Variants in IFNGR1 observed in about 807,000 individuals in gnomAD.
IFNGR1 encodes the protein interferon gamma receptor 1, also known as AVP, type 2.
In IFNGR1, 23 loss-of-function variants were observed where a neutral mutation model predicts 35.4. That is an observed-to-expected ratio of 0.65 (90% CI 0.47 to 0.92). The LOEUF is 0.92. Among genes scored for constraint, IFNGR1 ranks in the 40% least tolerant of loss-of-function variants. The probability of loss-of-function intolerance (pLI) is 0.00; values close to 1 mark genes in which losing one functional copy is unlikely to be tolerated. For missense variants in IFNGR1, 533 were observed against 583.4 expected (o/e 0.91, Z 0.89); for synonymous variants, 199 against 209.5 (o/e 0.95, Z 0.43).
intron 1 of IFNGR1, among the ~76,000 whole-genome samples, chr6:137,211,074 T>C (rs573446669): frequency 3.3e-4 from 50 of 152,132 alleles, no homozygotes; most frequent in Non-Finnish European, 5.0e-4. Flanking sequence ...AGGCAATCAA[T>C]GTCTGTAGAC....
chr6:137,208,901 G>A (rs1779511592), intron 1 of IFNGR1, among the ~76,000 whole-genome samples: 1 of 152,242 alleles, frequency 6.6e-6, no homozygotes, highest in South Asian at 2.1e-4. Flanking sequence ...AAAAGCTGCA[G>A]ACATTTGATG....
At chr6:137,219,160 C>T (rs890966943) in intron 1 of IFNGR1, 83 bp downstream of exon 1, 2 of 1,519,158 alleles carry the variant, frequency 1.3e-6, no homozygotes, top group Non-Finnish European at 1.8e-6. Context: ...CTCGGAGAAG[C>T]GGGGCGGGGC....
In IFNGR1 at chr6:137,197,772, C is replaced by T. The variant is rs1318935534; in HGVS notation, c.*259G>A. The T allele has an allele frequency of 9.7e-6, 4 of 413,206 alleles. No homozygotes were observed. The highest frequency in any genetic ancestry group is 1.8e-5 in the Non-Finnish European group (4 of 223,270). 25.6% of individuals were successfully genotyped at this position (413,206 alleles called of 1,614,324 possible). On this transcript the variant is annotated 3_prime_UTR_variant, in exon 7 of 7. Coordinates refer to ENST00000367739, the MANE Select transcript of IFNGR1 (RefSeq NM_000416.3). ...GAACCAGGAGTACTGGATACTGTTC[C>T]GTTACTGGTAACCTATCTGGATGTA... is the stretch of plus-strand genomic sequence containing the variant.
In IFNGR1 at chr6:137,206,188, T is replaced by A. The variant is rs747819119; in HGVS notation, c.321A>T (p.Gly107=). 1 of 1,614,126 alleles carries A rather than the reference T, an allele frequency of 6.2e-7. No individual in the cohort carries two copies. The highest frequency in any genetic ancestry group is 8.5e-7 in the Non-Finnish European group (1 of 1,179,976). The change falls in exon 3 of 7, where the codon GGA becomes GGT. Residue 107 remains glycine (G), a synonymous_variant. Coordinates refer to ENST00000367739, the MANE Select transcript of IFNGR1 (RefSeq NM_000416.3). ...ACTTTGCATAGGCAGATTCTTTTTG[T>A]CCAACCCTGGCTTTAACTCTGACCC... The part of the protein sequence containing the change: ...SLWVRVKARV[G]QKESAYAKSE...
chr6:137,206,848 A>G, intron 2 of IFNGR1, 115 bp downstream of exon 2: 1 of 774,404 alleles, frequency 1.3e-6, no homozygotes, highest in East Asian at 2.7e-5. Context: ...GACCTCTATA[A>G]GCAGTTTAGA....
chr6:137,198,148 G>T lies in IFNGR1; in HGVS notation c.1353C>A (p.Ala451=), dbSNP rs761246504. Residue 451 remains alanine (A), a synonymous_variant, in exon 7 of 7, where the codon GCC becomes GCA. Transcript: ENST00000367739. ...GTTTATCATAACCAAAGGAGGTGGG[G>T]GCTTTTATTACGGTTATGAGCTCTT... The part of the protein sequence containing the change: ...EGQELITVIK[A]PTSFGYDKPH... The T allele has an allele frequency of 7.9e-5, 127 of 1,613,968 alleles. No individual in the cohort carries two copies. The highest frequency in any genetic ancestry group is 1.1e-4 in the Non-Finnish European group (125 of 1,180,020).
chr6:137,209,873 C>A (rs1057077719), intron 1 of IFNGR1: 11 of 398,576 alleles, frequency 2.8e-5, no homozygotes, highest in Non-Finnish European at 4.4e-5. Flanking sequence ...AATGGAGCCA[C>A]ACATTCCAGT....
chr6:137,215,330 G>C (rs1306489790), intron 1 of IFNGR1: 3 of 1,545,890 alleles, frequency 1.9e-6, no homozygotes, highest in Non-Finnish European at 2.6e-6. Flanking sequence ...ATCTGCTTCA[G>C]GTAATGTTTC....
At chr6:137,205,587 C>G (rs1238987627) in intron 3 of IFNGR1, among the ~76,000 whole-genome samples, 1 of 152,056 alleles carries the variant, frequency 6.6e-6, no homozygotes, top group African/African-American at 2.4e-5. Flanking sequence ...AGTTAGCTGC[C>G]AAAGTCCTTA....
At chr6:137,215,486 A>C (rs1779672117) in intron 1 of IFNGR1, 1 of 583,732 alleles carries the variant, frequency 1.7e-6, no homozygotes, top group African/African-American at 1.9e-5. Flanking sequence ...TCTAAAATAA[A>C]GGCACCCCTT....
intron 1 of IFNGR1, among the ~76,000 whole-genome samples, chr6:137,218,072 A>G (rs1766678942): frequency 1.3e-5 from 2 of 152,228 alleles, no homozygotes; most frequent in South Asian, 2.1e-4. Flanking sequence ...ACTAGAGCCT[A>G]GAAGAGCAGT....
At chr6:137,206,912 G>A (rs1208144883) in intron 2 of IFNGR1, 51 bp downstream of exon 2, 5 of 1,396,640 alleles carry the variant, frequency 3.6e-6, no homozygotes, top group Middle Eastern at 1.8e-4. Context: ...GAATTTCCAA[G>A]GACCTAAACA....
intron 1 of IFNGR1, among the ~76,000 whole-genome samples, chr6:137,218,292 AAAAC>A (rs1779756650): frequency 2.0e-5 from 2 of 98,590 alleles, no homozygotes; most frequent in Non-Finnish European, 5.0e-5. Flanking sequence ...TAAAAAAAAG[AAAAC>A]TGAATTGAAA....
chr6:137,203,707 T>A, intron 4 of IFNGR1, 22 bp from the exon 5 acceptor site: 1 of 1,590,038 alleles, frequency 6.3e-7, no homozygotes. Context: ...AAGAAAACAG[T>A]GAAAATGCAC....
Position 137,198,534 on chromosome 6 carries a change from C to T in IFNGR1, c.967G>A (p.Glu323Lys), listed in dbSNP as rs2114445073. The part of the protein sequence containing the change: ...PFSLEKEVVC[E>K]EPLSPATVPG... ...ACTGTTGCTGGAGACAACGGCTCTT[C>T]ACAGACCACCTCCTTTTCTAAGGAA... is the stretch of plus-strand genomic sequence containing the variant. Residue 323 changes from glutamate (E) to lysine (K), a missense_variant, in exon 7 of 7, where the codon GAA (glutamate) becomes AAA (lysine). Transcript: ENST00000367739. The T allele has an allele frequency of 1.2e-6, 2 of 1,613,988 alleles. No homozygotes were observed. Among genetic ancestry groups the T allele is most frequent in the Middle Eastern group, 1.7e-4 (1 of 6,060 alleles).
Position 137,197,846 on chromosome 6 carries a change from C to A in IFNGR1, c.*185G>T. On this transcript the variant is annotated 3_prime_UTR_variant, in exon 7 of 7. Transcript: ENST00000367739. The stretch of plus-strand genomic sequence containing the variant: ...TTTTTGTTTAAAAAAAAAAAAAAGT[C>A]TGTACTTTACAAGCCAAAAGTGAAA... 1 of 641,318 alleles carries A rather than the reference C, an allele frequency of 1.6e-6. No individual in the cohort carries two copies. Among genetic ancestry groups the A allele is most frequent in the Non-Finnish European group, 2.6e-6 (1 of 390,922 alleles). 39.7% of individuals were successfully genotyped at this position (641,318 alleles called of 1,614,324 possible).
At chr6:137,215,330 G>A (rs1306489790) in intron 1 of IFNGR1, 1 of 1,545,890 alleles carries the variant, frequency 6.5e-7, no homozygotes. Context: ...ATCTGCTTCA[G>A]GTAATGTTTC....
chr6:137,204,584 A>G, intron 3 of IFNGR1, 80 bp from the exon 4 acceptor site: 1 of 1,159,686 alleles, frequency 8.6e-7, no homozygotes, highest in African/African-American at 1.5e-5. Context: ...ACCAGAATCT[A>G]TCAATCAACC....
At chr6:137,218,518 T>G in intron 1 of IFNGR1, 1 of 1,289,060 alleles carries the variant, frequency 7.8e-7, no homozygotes. Flanking sequence ...GGACTGCCAC[T>G]TACTTCTCAG....
Sources: gnomAD v4.1 joint callset for allele counts (sites outside exome capture counted in the v4.1 genomes callset) on GRCh38, gnomAD v4.1.1 for gene constraint, MANE v1.5 for transcripts, NCBI Gene and HGNC (gene_info 2026-07-23, HGNC 2026-07-21) for gene names.